KIF16B: variants seen among roughly 807,000 people sequenced by gnomAD.
KIF16B encodes the protein kinesin family member 16B.
KIF16B carries 98 observed loss-of-function variants against 156.3 expected under a neutral mutation model. The ratio of observed to expected loss-of-function variants is 0.63; its 90% CI spans 0.53 to 0.74. The LOEUF is 0.74. KIF16B is among the 30% of genes least tolerant of loss of function. The pLI is 0.00. For synonymous variants in KIF16B, 564 were observed against 583.7 expected (o/e 0.97, Z 0.49); for missense variants, 1,421 against 1,606.5 (o/e 0.88, Z 1.97).
intron 1 of KIF16B, among the ~76,000 whole-genome samples, chr20:16,543,082 C>T (rs2070266424): frequency 6.6e-6 from 1 of 152,184 alleles, no homozygotes; most frequent in South Asian, 2.1e-4. Context: ...AAGTAAGAAT[C>T]TCCAGGACAC....
intron 22 of KIF16B, among the ~76,000 whole-genome samples, chr20:16,359,969 C>T (rs1196869923): frequency 3.3e-5 from 5 of 152,148 alleles, no homozygotes; most frequent in Non-Finnish European, 7.3e-5. Flanking sequence ...TCATCCTTGG[C>T]TACAGTTTAC....
intron 17 of KIF16B, among the ~76,000 whole-genome samples, chr20:16,386,709 C>A (rs1432479899): frequency 6.6e-6 from 1 of 151,800 alleles, no homozygotes; most frequent in African/African-American, 2.4e-5. Flanking sequence ...TCTGAGCGGG[C>A]AGGAAAGGAA....
At position 16,512,535 on chromosome 20, in the gene KIF16B, C is replaced by T. The variant is rs113151967; in HGVS notation, c.446+291G>A. 9.3e-4 allele frequency among the ~76,000 whole-genome samples: 142 copies of T among 152,296 alleles called. 1 individual carries two copies. Among genetic ancestry groups the T allele is most frequent in the African/African-American group, 3.2e-3 (134 of 41,568 alleles). ...AAGAATGAAGCAAGTAATTGGTATACACTTAAAAGTCAGAAGCTCACTCCA... is the reference window on the plus strand; with the variant it reads ...AAGAATGAAGCAAGTAATTGGTATATACTTAAAAGTCAGAAGCTCACTCCA... On this transcript the variant is annotated intron_variant, in intron 5 of 25. Coordinates refer to ENST00000354981, the MANE Select transcript of KIF16B (RefSeq NM_024704.5).
At chr20:16,523,544 C>T (rs2069425864) in intron 3 of KIF16B, among the ~76,000 whole-genome samples, 11 of 152,138 alleles carry the variant, frequency 7.2e-5, no homozygotes, top group Non-Finnish European at 2.9e-5. Context: ...AGGACACAAA[C>T]AAATGGAAAA....
intron 1 of KIF16B, among the ~76,000 whole-genome samples, chr20:16,540,267 TA>T (rs2070143138): frequency 6.6e-6 from 1 of 152,170 alleles, no homozygotes; most frequent in Admixed American, 6.5e-5. Context: ...TCTGAAAGGA[TA>T]AATAGCAAGC....
At chr20:16,371,833 C>T (rs1371746720) in intron 20 of KIF16B, 72 bp from the exon 21 acceptor site, 2 of 1,018,750 alleles carry the variant, frequency 2.0e-6, no homozygotes, top group Non-Finnish European at 3.1e-6. Context: ...CCTCTCTTTA[C>T]TACGCCCTTC....
intron 15 of KIF16B, among the ~76,000 whole-genome samples, chr20:16,408,531 G>A (rs760078426): frequency 6.6e-6 from 1 of 152,108 alleles, no homozygotes. Context: ...CACATTCCAG[G>A]TGTTAATTAC....
chr20:16,375,629 G>C (rs1459513683), intron 19 of KIF16B, among the ~76,000 whole-genome samples: 1 of 151,426 alleles, frequency 6.6e-6, no homozygotes, highest in Non-Finnish European at 1.5e-5. Context: ...TGATGTCAGA[G>C]GCCTGGTGGT....
intron 10 of KIF16B, among the ~76,000 whole-genome samples, chr20:16,499,857 G>A (rs2068566550): frequency 6.6e-6 from 1 of 152,138 alleles, no homozygotes; most frequent in Non-Finnish European, 1.5e-5. Flanking sequence ...ATTGGTAAAA[G>A]TACCATTTTC....
chr20:16,487,171 T>G (rs2068142572), intron 12 of KIF16B, among the ~76,000 whole-genome samples: 1 of 151,852 alleles, frequency 6.6e-6, no homozygotes, highest in African/African-American at 2.4e-5. Flanking sequence ...GAGAATGGCA[T>G]GAATCCGGAG....
chr20:16,485,860 TACAC>T (rs2068098257), intron 12 of KIF16B, among the ~76,000 whole-genome samples: 1 of 152,182 alleles, frequency 6.6e-6, no homozygotes, highest in African/African-American at 2.4e-5. Context: ...TCTCCACACA[TACAC>T]ACATATATAT....
At chr20:16,368,844 C>A (rs2064745950) in intron 22 of KIF16B, 1 of 985,732 alleles carries the variant, frequency 1.0e-6, no homozygotes, top group Admixed American at 6.1e-5. Context: ...ACGTATGTTG[C>A]AGCAAAGTCC....
chr20:16,544,348 G>C (rs186476869), intron 1 of KIF16B, among the ~76,000 whole-genome samples: 5 of 152,110 alleles, frequency 3.3e-5, no homozygotes, highest in Admixed American at 3.3e-4. Flanking sequence ...TGTGGCTCAC[G>C]CCTGTAATCC....
chr20:16,287,682 G>A (rs927018508), intron 25 of KIF16B, among the ~76,000 whole-genome samples: 4 of 152,158 alleles, frequency 2.6e-5, no homozygotes, highest in South Asian at 2.1e-4. Context: ...ACAGGGTGAC[G>A]TCCTTGCTCA....
At chr20:16,469,254 T>TAAAAAAAAAAAAAAAAAAAAAAAA (rs57114751) in intron 12 of KIF16B, among the ~76,000 whole-genome samples, 9 of 66,078 alleles carry the variant, frequency 1.4e-4, no homozygotes, top group Admixed American at 1.9e-4. Context: ...CCCTGTGTCT[T>TAAAAAAAAAAAAAAAAAAAAAAAA]AAAAAAAAAA....
At chr20:16,342,043 C>A (rs1179961017) in intron 23 of KIF16B, among the ~76,000 whole-genome samples, 1 of 152,174 alleles carries the variant, frequency 6.6e-6, no homozygotes, top group African/African-American at 2.4e-5. Flanking sequence ...TGCTCAGCCC[C>A]CAGGGTAGTG....
intron 12 of KIF16B, among the ~76,000 whole-genome samples, chr20:16,460,459 T>C (rs542331378): frequency 6.6e-6 from 1 of 152,008 alleles, no homozygotes; most frequent in South Asian, 2.1e-4. Context: ...TAATCCCAGC[T>C]ACTCAAGAGG....
rs985192432 is a variant in KIF16B, at chr20:16,425,535, G to A, written c.1612+1569C>T. Among the ~76,000 whole-genome samples the A allele has an allele frequency of 2.6e-5, 4 of 152,040 alleles. No individual in the cohort carries two copies. In the East Asian group the frequency reaches 5.8e-4, roughly 22 times the overall value. On this transcript the variant is annotated intron_variant, in intron 15 of 25. Coordinates refer to ENST00000354981, the MANE Select transcript of KIF16B (RefSeq NM_024704.5). Reference sequence around the variant, plus strand: ...TTCCTAAAACCAGTGGGTGAAAGTGGTAATATTCCATAATGGAATGGAAAA... The same window carrying A: ...TTCCTAAAACCAGTGGGTGAAAGTGATAATATTCCATAATGGAATGGAAAA...
intron 12 of KIF16B, among the ~76,000 whole-genome samples, chr20:16,451,774 C>T (rs913586689): frequency 5.9e-5 from 9 of 151,600 alleles, no homozygotes; most frequent in Non-Finnish European, 1.3e-4. Context: ...GGGGACCAAA[C>T]TTTTTTTTTA....
Sources: gnomAD v4.1 joint callset for allele counts (sites outside exome capture counted in the v4.1 genomes callset) on GRCh38, gnomAD v4.1.1 for gene constraint, MANE v1.5 for transcripts, NCBI Gene and HGNC (gene_info 2026-07-23, HGNC 2026-07-21) for gene names.